Variants in NME5 observed in about 807,000 individuals in gnomAD.
The protein encoded by NME5 is NME/NM23 family member 5.
Under a neutral mutation model 21.6 loss-of-function variants are expected in NME5, and 18 were observed. That is an observed-to-expected ratio of 0.83 (90% CI 0.58 to 1.24). NME5 has a LOEUF of 1.24. NME5 is among the 50% of genes most tolerant of loss of function. The pLI is 0.00. For synonymous variants in NME5, 70 were observed against 80.6 expected, an observed-to-expected ratio of 0.87 and a Z score of 0.71; for missense variants, 223 against 255.4, an observed-to-expected ratio of 0.87 and a Z score of 0.86.
chr5:138,138,592 A>G (rs992984725), intron 2 of NME5, 60 bp downstream of exon 2: 3 of 1,484,480 alleles, frequency 2.0e-6, no homozygotes, highest in Non-Finnish European at 9.2e-7. Context: ...CATTTACATA[A>G]GCATTTTTTT....
At position 138,138,274 on chromosome 5, in the gene NME5, T is replaced by A. The variant is rs1751757791; in HGVS notation, c.129+378A>T. ...TACACAGAAATTAGGAAGAGTGAGA[T>A]CAATTCAGATGCAATGATCTGGAAT... On this transcript the variant is annotated intron_variant, in intron 2 of 5. Coordinates refer to ENST00000265191, the MANE Select transcript of NME5 (RefSeq NM_003551.3). 3 of 162,972 alleles carry A rather than the reference T, an allele frequency of 1.8e-5. No individual in the cohort carries two copies. The Admixed American group carries it at 1.9e-4, about 11-fold the overall frequency. The allele number at this position is 162,972 out of a possible 1,614,324, so 10.1% of individuals were successfully genotyped here.
chr5:138,115,629 C>A lies in NME5; in HGVS notation c.*52G>T. Reference sequence around the variant, plus strand: ...ATAATTTTTTCAAACAGTAGAAGTACAGCCTTTTATAATAAGATAGTTCAT... The same window carrying A: ...ATAATTTTTTCAAACAGTAGAAGTAAAGCCTTTTATAATAAGATAGTTCAT... On this transcript the variant is annotated 3_prime_UTR_variant, in exon 6 of 6. Transcript: ENST00000265191. The A allele has an allele frequency of 1.8e-6, 2 of 1,124,624 alleles. No individual in the cohort carries two copies. Among genetic ancestry groups the A allele is most frequent in the Non-Finnish European group, 2.5e-6 (2 of 791,906 alleles). The allele number at this position is 1,124,624 out of a possible 1,614,324, so 69.7% of individuals were successfully genotyped here.
chr5:138,116,274 A>G (rs1383760441), intron 5 of NME5: 6 of 152,296 alleles, frequency 3.9e-5, no homozygotes, highest in African/African-American at 1.4e-4. Flanking sequence ...TTTTTCATGG[A>G]TACGGAGATT....
At chr5:138,135,111 G>C (rs1011532602) in intron 2 of NME5, among the ~76,000 whole-genome samples, 3 of 149,030 alleles carry the variant, frequency 2.0e-5, no homozygotes, top group African/African-American at 7.4e-5. Flanking sequence ...AAGGTCAGGA[G>C]ATCGAGACCA....
chr5:138,134,034 G>A (rs1751634116), intron 2 of NME5, among the ~76,000 whole-genome samples: 1 of 152,174 alleles, frequency 6.6e-6, no homozygotes, highest in South Asian at 2.1e-4. Flanking sequence ...GATGTACCAT[G>A]GCTGCCTTTG....
intron 4 of NME5, among the ~76,000 whole-genome samples, chr5:138,121,489 T>C (rs1442791615): frequency 6.6e-6 from 1 of 152,164 alleles, no homozygotes; most frequent in African/African-American, 2.4e-5. Context: ...GAAAGCACCA[T>C]AGTAAAGTCA....
chr5:138,129,915 C>T (rs921637902), intron 2 of NME5, among the ~76,000 whole-genome samples: 1 of 151,726 alleles, frequency 6.6e-6, no homozygotes, highest in African/African-American at 2.4e-5. Context: ...CAAGACTGCA[C>T]CACTGCACTC....
chr5:138,127,648 A>C, intron 4 of NME5: 1 of 984,842 alleles, frequency 1.0e-6, no homozygotes. Context: ...AAAACAAACC[A>C]AAAACTTCAG....
At position 138,118,775 on chromosome 5, in the gene NME5, C is replaced by T. The variant is rs746270456; in HGVS notation, c.555+43G>A. On this transcript the variant is annotated intron_variant, in intron 5 of 5. Coordinates refer to ENST00000265191, the MANE Select transcript of NME5 (RefSeq NM_003551.3). ...GGGATTACAGGCATGAGCCACCACG[C>T]CTGGTGACAATATTCTTAAGTGTGA... 25 of 1,353,584 alleles carry T rather than the reference C, an allele frequency of 1.8e-5. No homozygotes were observed. In the South Asian group the frequency reaches 2.9e-4, roughly 16 times the overall value. 83.8% of individuals were successfully genotyped at this position (1,353,584 alleles called of 1,614,324 possible).
intron 4 of NME5, among the ~76,000 whole-genome samples, chr5:138,126,170 C>T (rs1202091175): frequency 6.6e-6 from 1 of 152,122 alleles, no homozygotes; most frequent in East Asian, 1.9e-4. Context: ...TAAACTCATG[C>T]CTAGCGGATT....
Position 138,139,412 on chromosome 5 carries a change from A to C in NME5, c.-47T>G. ...ATATGGTACAACTTGTTGCTAGGAG[A>C]CCTGAAGCCCCAGCGTGGGGACGGT... On this transcript the variant is annotated 5_prime_UTR_variant, in exon 1 of 6. Coordinates refer to ENST00000265191, the MANE Select transcript of NME5 (RefSeq NM_003551.3). 1 of 985,404 alleles carries C rather than the reference A, an allele frequency of 1.0e-6. No individual in the cohort carries two copies. The highest frequency in any genetic ancestry group is 1.2e-6 in the Non-Finnish European group (1 of 830,030). 61.0% of individuals were successfully genotyped at this position (985,404 alleles called of 1,614,324 possible). A position where few individuals can be genotyped will look rare whatever the true frequency, so the allele number is the denominator to read the frequency against.
chr5:138,115,771 GAAA>G lies in NME5; in HGVS notation c.556-10_556-8del. On this transcript the variant is annotated splice_region_variant and splice_polypyrimidine_tract_variant and intron_variant, in intron 5 of 5. Coordinates refer to ENST00000265191, the MANE Select transcript of NME5 (RefSeq NM_003551.3). ...GCCAATCAGCTAGCCAAATCTATGG[GAAA>G]AAAAAAAACAACCTAAGTTAAGAAA... 8.0e-7 allele frequency: 1 copy of G among 1,242,988 alleles called. No individual in the cohort carries two copies. The highest frequency in any genetic ancestry group is 1.1e-6 in the Non-Finnish European group (1 of 934,440). The allele number at this position is 1,242,988 out of a possible 1,614,324, so 77.0% of individuals were successfully genotyped here.
At chr5:138,137,459 A>G (rs1361799355) in intron 2 of NME5, among the ~76,000 whole-genome samples, 1 of 151,950 alleles carries the variant, frequency 6.6e-6, no homozygotes, top group African/African-American at 2.4e-5. Flanking sequence ...CTGGGACTAC[A>G]GGTGCACGCC....
rs990171321 is a variant in NME5 at position 138,128,474 on chromosome 5, C to A, written c.436+5G>T. On this transcript the variant is annotated splice_donor_5th_base_variant and intron_variant, in intron 4 of 5. Transcript: ENST00000265191. The stretch of plus-strand genomic sequence containing the variant: ...CAGTTGACAAGTTAGTCATCTGTAA[C>A]TCACCTTCAGGAAACATAAAACGTA... 2 of 1,607,052 alleles carry A rather than the reference C, an allele frequency of 1.2e-6. No homozygotes were observed. The highest frequency in any genetic ancestry group is 2.7e-5 in the African/African-American group (2 of 74,704).
At chr5:138,125,619 T>C (rs766820570) in intron 4 of NME5, among the ~76,000 whole-genome samples, 3 of 152,150 alleles carry the variant, frequency 2.0e-5, no homozygotes, top group Admixed American at 6.5e-5. Context: ...CATTACTTTT[T>C]TCTTTTCTTT....
chr5:138,120,382 C>T (rs971088452), intron 4 of NME5, among the ~76,000 whole-genome samples: 2 of 151,812 alleles, frequency 1.3e-5, no homozygotes, highest in East Asian at 1.9e-4. Context: ...TACAGGTGCC[C>T]GCCACTAATT....
At chr5:138,136,888 T>A (rs1251339378) in intron 2 of NME5, among the ~76,000 whole-genome samples, 1 of 151,806 alleles carries the variant, frequency 6.6e-6, no homozygotes, top group Non-Finnish European at 1.5e-5. Flanking sequence ...GGTGATCAAC[T>A]CACCTTGGCC....
intron 2 of NME5, among the ~76,000 whole-genome samples, chr5:138,135,062 T>C (rs1196202748): frequency 6.8e-6 from 1 of 146,024 alleles, no homozygotes; most frequent in African/African-American, 2.5e-5. Flanking sequence ...CTCACGCCTG[T>C]AATCCCAGCA....
At chr5:138,131,735 CTT>C (rs1213675304) in intron 2 of NME5, among the ~76,000 whole-genome samples, 1 of 144,816 alleles carries the variant, frequency 6.9e-6, no homozygotes, top group Non-Finnish European at 1.5e-5. Flanking sequence ...ATTTTGAGTG[CTT>C]TTTTTTTTTT....
Sources: gnomAD v4.1 joint callset for allele counts (sites outside exome capture counted in the v4.1 genomes callset) on GRCh38, gnomAD v4.1.1 for gene constraint, MANE v1.5 for transcripts, NCBI Gene and HGNC (gene_info 2026-07-23, HGNC 2026-07-21) for gene names.